FIG4: variants seen among roughly 807,000 people sequenced by gnomAD.
FIG4 encodes the protein FIG4 phosphoinositide 5-phosphatase.
In FIG4, 112 loss-of-function variants were observed where a neutral mutation model predicts 118.6. That is an observed-to-expected ratio of 0.94 (90% CI 0.81 to 1.11). FIG4 has a LOEUF of 1.11. FIG4 is among the 50% of genes least tolerant of loss of function. The probability of loss-of-function intolerance (pLI) is 0.00; values close to 1 mark genes in which losing one functional copy is unlikely to be tolerated. For missense variants in FIG4, 969 were observed against 1,111.7 expected (o/e 0.87, Z 1.83); for synonymous variants, 369 against 381.2 (o/e 0.97, Z 0.37).
At chr6:109,709,050 G>C (rs1775178251) in intron 1 of FIG4, among the ~76,000 whole-genome samples, 1 of 152,132 alleles carries the variant, frequency 6.6e-6, no homozygotes, top group Non-Finnish European at 1.5e-5. Flanking sequence ...CCTATGTCCT[G>C]AATGGTATTG....
At chr6:109,789,730 C>G (rs954779942) in intron 19 of FIG4, 53 bp downstream of exon 19, 112 of 1,257,242 alleles carry the variant, frequency 8.9e-5, no homozygotes, top group Non-Finnish European at 9.3e-5. Flanking sequence ...AAGAATAGTA[C>G]TTGCAATATG....
At chr6:109,696,316 T>G (rs1345034506) in intron 1 of FIG4, among the ~76,000 whole-genome samples, 2 of 152,226 alleles carry the variant, frequency 1.3e-5, no homozygotes, top group Non-Finnish European at 2.9e-5. Context: ...TCAGTTTATT[T>G]TGGTGCAAAA....
intron 22 of FIG4, among the ~76,000 whole-genome samples, chr6:109,815,281 C>T (rs1778829552): frequency 6.6e-6 from 1 of 152,046 alleles, no homozygotes. Context: ...CACCCACCCA[C>T]AGGGATGCCC....
chr6:109,759,435 A>AG (rs1261554098), intron 10 of FIG4, among the ~76,000 whole-genome samples: 1 of 152,088 alleles, frequency 6.6e-6, no homozygotes, highest in African/African-American at 2.4e-5. Context: ...AAGAAAAAAA[A>AG]CTCACCATGC....
chr6:109,796,905 G>A, intron 22 of FIG4, 54 bp downstream of exon 22: 1 of 1,031,306 alleles, frequency 9.7e-7, no homozygotes, highest in Non-Finnish European at 1.5e-6. Context: ...CCACTCATAG[G>A]GCTTTCTTTA....
At chr6:109,788,481 A>G (rs1465781412) in intron 18 of FIG4, among the ~76,000 whole-genome samples, 1 of 152,244 alleles carries the variant, frequency 6.6e-6, no homozygotes, top group Non-Finnish European at 1.5e-5. Context: ...GCAGAAATTA[A>G]GAAGCGGAGT....
At chr6:109,738,859 A>T (rs1776240656) in intron 7 of FIG4, among the ~76,000 whole-genome samples, 1 of 152,144 alleles carries the variant, frequency 6.6e-6, no homozygotes, top group Non-Finnish European at 1.5e-5. Context: ...ACAGCCTGGG[A>T]AACACTGTGT....
chr6:109,790,568 T>C (rs1252901940), intron 19 of FIG4, among the ~76,000 whole-genome samples: 2 of 152,236 alleles, frequency 1.3e-5, no homozygotes, highest in African/African-American at 4.8e-5. Context: ...AGACTGCTTG[T>C]TTTCTGCAAT....
At chr6:109,800,391 C>G (rs1778397034) in intron 22 of FIG4, among the ~76,000 whole-genome samples, 1 of 152,044 alleles carries the variant, frequency 6.6e-6, no homozygotes, top group African/African-American at 2.4e-5. Context: ...GAGAACATAC[C>G]TTTATTCTTT....
intron 21 of FIG4, among the ~76,000 whole-genome samples, chr6:109,793,187 G>A (rs1418186606): frequency 6.6e-6 from 1 of 152,186 alleles, no homozygotes; most frequent in African/African-American, 2.4e-5. Flanking sequence ...CTGCTCATAT[G>A]TAAACTACAA....
At chr6:109,797,852 C>A (rs1333940555) in intron 22 of FIG4, among the ~76,000 whole-genome samples, 1 of 148,414 alleles carries the variant, frequency 6.7e-6, no homozygotes, top group Non-Finnish European at 1.5e-5. Flanking sequence ...ACTGAGATTG[C>A]ACCACTGCAC....
chr6:109,720,628 T>G (rs1775578207), intron 3 of FIG4, among the ~76,000 whole-genome samples: 1 of 152,216 alleles, frequency 6.6e-6, no homozygotes, highest in African/African-American at 2.4e-5. Context: ...ATGCCCTGTG[T>G]GAGGGCAGAT....
intron 18 of FIG4, among the ~76,000 whole-genome samples, chr6:109,786,784 A>T (rs186828834): frequency 9.9e-4 from 151 of 152,306 alleles, no homozygotes; most frequent in African/African-American, 3.6e-3. Flanking sequence ...CATCTTTGGT[A>T]CTAGAAAGGC....
rs528228799 is a variant in FIG4 at position 109,808,136 on chromosome 6, A to T, written c.2546+11285A>T. On this transcript the variant is annotated intron_variant, in intron 22 of 22. Transcript: ENST00000230124. ...GAAGCATGGAGAGTAGCAAATATCC[A>T]TGTGAGCAAATGGCTAGCAGCTGTC... Among the ~76,000 whole-genome samples the T allele has an allele frequency of 5.8e-4, 88 of 152,210 alleles. 1 individual carries two copies. The highest frequency in any genetic ancestry group is 3.4e-3 in the Middle Eastern group (1 of 294).
At position 109,696,397 on chromosome 6, in the gene FIG4, C is replaced by T. The variant is rs187451955; in HGVS notation, c.66+4896C>T. Among the ~76,000 whole-genome samples the T allele has an allele frequency of 2.7e-3, 404 of 152,220 alleles. 2 individuals carry two copies. The highest frequency in any genetic ancestry group is 9.4e-3 in the African/African-American group (392 of 41,530). On this transcript the variant is annotated intron_variant, in intron 1 of 22. Coordinates refer to ENST00000230124, the MANE Select transcript of FIG4 (RefSeq NM_014845.6). ...ACTTTATCAAGTCCCCTTATATATT[C>T]AAAAGAAAGGAAATCAGTATGTCAA...
Position 109,693,625 on chromosome 6 carries a change from AC to A in FIG4, c.66+2127del, listed in dbSNP as rs1774619109. On this transcript the variant is annotated intron_variant, in intron 1 of 22. Transcript: ENST00000230124. ...CAGGAAAGAGATAACAGGTTTGAGA[AC>A]CCTCTCAGAGTACTGCCAAAAACAG... Among the ~76,000 whole-genome samples, 3 of 152,268 alleles carry A rather than the reference AC, an allele frequency of 2.0e-5. No individual in the cohort carries two copies. The South Asian group carries it at 6.2e-4, about 32-fold the overall frequency.
intron 1 of FIG4, among the ~76,000 whole-genome samples, chr6:109,695,162 C>T (rs1237386130): frequency 1.3e-5 from 2 of 152,180 alleles, no homozygotes; most frequent in Non-Finnish European, 2.9e-5. Context: ...AGCTAACTTC[C>T]GTCAAGGTCA....
Position 109,809,291 on chromosome 6 carries a change from T to C in FIG4, c.2546+12440T>C, listed in dbSNP as rs937765085. On this transcript the variant is annotated intron_variant, in intron 22 of 22. Coordinates refer to ENST00000230124, the MANE Select transcript of FIG4 (RefSeq NM_014845.6). ...CAGTTGTCTTCTATTAAGCCAGATA[T>C]AGAAAAGATTCGCAAGCTGTGAAAC... 3.9e-5 allele frequency among the ~76,000 whole-genome samples: 6 copies of C among 152,348 alleles called. No homozygotes were observed. In the South Asian group the frequency reaches 6.2e-4, roughly 16 times the overall value.
intron 1 of FIG4, among the ~76,000 whole-genome samples, chr6:109,703,225 T>G (rs1196578335): frequency 6.6e-6 from 1 of 152,218 alleles, no homozygotes; most frequent in Non-Finnish European, 1.5e-5. Context: ...CCTTATGTCA[T>G]TCTCTTCCAC....
Sources: gnomAD v4.1 joint callset for allele counts (sites outside exome capture counted in the v4.1 genomes callset) on GRCh38, gnomAD v4.1.1 for gene constraint, MANE v1.5 for transcripts, NCBI Gene and HGNC (gene_info 2026-07-23, HGNC 2026-07-21) for gene names.